Variants in ADAMTS12 observed in about 807,000 individuals in gnomAD.
The protein encoded by ADAMTS12 is A disintegrin and metalloproteinase with thrombospondin motifs 12.
A neutral mutation model predicts 167.8 loss-of-function variants in ADAMTS12; 118 were observed. The ratio of observed to expected loss-of-function variants is 0.70; its 90% CI spans 0.61 to 0.82. ADAMTS12 has a LOEUF of 0.82. Ranked by LOEUF, ADAMTS12 falls within the 40% of genes least tolerant of loss-of-function variation. The probability of loss-of-function intolerance (pLI) is 0.00; values close to 1 mark genes in which losing one functional copy is unlikely to be tolerated. For missense variants in ADAMTS12, 1,916 were observed against 1,998.8 expected (o/e 0.96, Z 0.79); for synonymous variants, 704 against 716.9 (o/e 0.98, Z 0.29).
rs144922263 is a variant in ADAMTS12, at chr5:33,661,935, C to G, written c.1021G>C (p.Val341Leu). The stretch of plus-strand genomic sequence containing the variant: ...GTGTACCTGGTGAGAAGGACAGCCA[C>G]GTCGTGATGAACAGGATTGAGGTCA... ...KSDLNPVHHD[V>L]AVLLTRKDIC... The change falls in exon 6 of 24, where the codon GTG becomes CTG. Residue 341 changes from valine (V) to leucine (L), a missense_variant. Physicochemically the swap from Val to Leu is conservative, Grantham distance 32. Coordinates refer to ENST00000504830, the MANE Select transcript of ADAMTS12 (RefSeq NM_030955.4). 8 of 1,613,258 alleles carry G rather than the reference C, an allele frequency of 5.0e-6. No individual in the cohort carries two copies. In the African/African-American group the frequency reaches 1.1e-4, roughly 22 times the overall value.
intron 12 of ADAMTS12, among the ~76,000 whole-genome samples, chr5:33,632,916 T>C (rs547042596): frequency 5.6e-4 from 86 of 152,240 alleles, no homozygotes; most frequent in African/African-American, 2.1e-3. Context: ...GGAATGTTTA[T>C]TCAGAGAGAA....
rs1744977719 is a variant in ADAMTS12, at chr5:33,546,207, T to C, written c.4303-5A>G. 2 of 1,606,650 alleles carry C rather than the reference T, an allele frequency of 1.2e-6. No homozygotes were observed. Among genetic ancestry groups the C allele is most frequent in the Admixed American group, 3.4e-5 (2 of 58,486 alleles). On this transcript the variant is annotated splice_region_variant and splice_polypyrimidine_tract_variant and intron_variant, in intron 21 of 23. Coordinates refer to ENST00000504830, the MANE Select transcript of ADAMTS12 (RefSeq NM_030955.4). The stretch of plus-strand genomic sequence containing the variant: ...ACCTCCACAGGACCTGGAGCACTGA[T>C]ACACAGCAGTGACAAGATTAGGTAA...
intron 22 of ADAMTS12, among the ~76,000 whole-genome samples, chr5:33,543,299 C>T (rs1344393783): frequency 6.6e-6 from 1 of 152,082 alleles, no homozygotes. Flanking sequence ...TACACCCTAC[C>T]AAGGCTAAAC....
intron 16 of ADAMTS12, among the ~76,000 whole-genome samples, chr5:33,600,246 C>T (rs1184167790): frequency 6.6e-6 from 1 of 152,082 alleles, no homozygotes; most frequent in Non-Finnish European, 1.5e-5. Flanking sequence ...TGCAGCAGTA[C>T]TTAGTAAATC....
chr5:33,620,350 T>C (rs868327393), intron 14 of ADAMTS12, among the ~76,000 whole-genome samples: 32 of 152,380 alleles, frequency 2.1e-4, no homozygotes, highest in African/African-American at 7.7e-4. Flanking sequence ...TATGGTATTG[T>C]GCTAAACACA....
intron 2 of ADAMTS12, among the ~76,000 whole-genome samples, chr5:33,858,669 A>AG (rs1561312564): frequency 1.4e-5 from 2 of 145,280 alleles, no homozygotes; most frequent in Non-Finnish European, 3.0e-5. Context: ...AAAAAAAAAA[A>AG]AGAAAAGAAA....
rs760147804 is a variant in ADAMTS12, at chr5:33,637,689, G to A, written c.1776C>T (p.Asn592=). ...GTGCCTCTGAGCGACAGGGGTGGAC[G>A]TTGCACAAGCGATAGCGTTTTCTTT... is the stretch of plus-strand genomic sequence containing the variant. ...TGERKRYRLC[N]VHPCRSEAPT... Residue 592 remains asparagine (N), a synonymous_variant, in exon 12 of 24, where the codon AAC becomes AAT. Coordinates refer to ENST00000504830, the MANE Select transcript of ADAMTS12 (RefSeq NM_030955.4). The A allele has an allele frequency of 3.7e-6, 6 of 1,613,612 alleles. No individual in the cohort carries two copies. The highest frequency in any genetic ancestry group is 2.2e-5 in the East Asian group (1 of 44,864).
intron 3 of ADAMTS12, among the ~76,000 whole-genome samples, chr5:33,698,745 A>G (rs1039604927): frequency 2.0e-5 from 3 of 151,584 alleles, no homozygotes; most frequent in Non-Finnish European, 4.4e-5. Flanking sequence ...TGAGACCAGC[A>G]TGGCCAAGAT....
chr5:33,699,681 T>C (rs577197388), intron 3 of ADAMTS12, among the ~76,000 whole-genome samples: 19 of 152,292 alleles, frequency 1.2e-4, no homozygotes, highest in Non-Finnish European at 2.4e-4. Flanking sequence ...AGCCACCAGA[T>C]TGTTGTACAC....
In ADAMTS12 at chr5:33,576,347, TG is replaced by T; in HGVS notation, c.3678del (p.Thr1227LeufsTer43). On this transcript the variant is annotated frameshift_variant, in exon 19 of 24. Coordinates refer to ENST00000504830, the MANE Select transcript of ADAMTS12 (RefSeq NM_030955.4). LOFTEE classifies it high-confidence loss of function. ...VMEGLLPSQR[P>X]TTSETGTPRV... ...CTGGGTGTCCCAGTTTCGGAAGTAG[TG>T]GGCCTTTGGCTGGGGAGCAGTCCTT... 6.2e-7 allele frequency: 1 copy of T among 1,614,152 alleles called. No homozygotes were observed. Among genetic ancestry groups the T allele is most frequent in the Non-Finnish European group, 8.5e-7 (1 of 1,180,014 alleles).
chr5:33,863,578 T>G (rs1442082976), intron 2 of ADAMTS12, among the ~76,000 whole-genome samples: 1 of 152,138 alleles, frequency 6.6e-6, no homozygotes, highest in African/African-American at 2.4e-5. Flanking sequence ...TGGAAAAACA[T>G]TCCATGTTCA....
At chr5:33,812,943 A>C (rs936988050) in intron 2 of ADAMTS12, among the ~76,000 whole-genome samples, 2 of 152,360 alleles carry the variant, frequency 1.3e-5, no homozygotes, top group East Asian at 3.9e-4. Context: ...AGATGCCATA[A>C]GGAAGCCCAG....
At chr5:33,701,521 T>C (rs2331243) in intron 3 of ADAMTS12, among the ~76,000 whole-genome samples, 20,725 of 152,204 alleles carry the variant, frequency 0.14, 1,694 homozygotes, top group South Asian at 0.36. Flanking sequence ...GCATAGTTCC[T>C]GGGAGCAGAT....
intron 20 of ADAMTS12, among the ~76,000 whole-genome samples, chr5:33,557,265 C>T (rs1745527281): frequency 6.6e-6 from 1 of 152,092 alleles, no homozygotes; most frequent in African/African-American, 2.4e-5. Context: ...TAGAAAATTC[C>T]AGGTAAAATT....
intron 2 of ADAMTS12, among the ~76,000 whole-genome samples, chr5:33,876,880 C>T (rs1010822860): frequency 1.3e-5 from 2 of 152,152 alleles, no homozygotes; most frequent in Admixed American, 6.5e-5. Context: ...ATACTAATAC[C>T]TCTCTGAATT....
chr5:33,889,416 T>G (rs1231876960), intron 1 of ADAMTS12, among the ~76,000 whole-genome samples: 1 of 152,094 alleles, frequency 6.6e-6, no homozygotes, highest in Non-Finnish European at 1.5e-5. Flanking sequence ...TCTAAGGAGA[T>G]TGGTTATTTG....
intron 3 of ADAMTS12, among the ~76,000 whole-genome samples, chr5:33,715,408 T>C (rs1227971453): frequency 2.6e-5 from 4 of 152,126 alleles, no homozygotes; most frequent in African/African-American, 7.2e-5. Context: ...GTGGGCATTG[T>C]TGGTGAACTC....
At chr5:33,590,727 C>T (rs1579714295) in intron 17 of ADAMTS12, among the ~76,000 whole-genome samples, 1 of 152,198 alleles carries the variant, frequency 6.6e-6, no homozygotes, top group African/African-American at 2.4e-5. Flanking sequence ...AATCCTGCCG[C>T]GGCCTCGCAA....
intron 2 of ADAMTS12, among the ~76,000 whole-genome samples, chr5:33,795,053 CAGACTT>C (rs1431132373): frequency 2.0e-5 from 3 of 152,200 alleles, no homozygotes; most frequent in Non-Finnish European, 2.9e-5. Flanking sequence ...GTCACAAGAA[CAGACTT>C]ACGTGTACAG....
Sources: allele counts gnomAD v4.1 joint callset (sites outside exome capture counted in the v4.1 genomes callset), GRCh38; gene constraint gnomAD v4.1.1; transcripts MANE v1.5; gene names NCBI Gene and HGNC (gene_info 2026-07-23, HGNC 2026-07-21).